The following NELL1 variants were observed in gnomAD, a reference collection of about 807,000 sequenced individuals.
NELL1 encodes the protein neural EGFL like 1, also known as protein kinase C-binding protein NELL1.
NELL1 carries 76 observed loss-of-function variants against 107.4 expected under a neutral mutation model. The ratio of observed to expected loss-of-function variants is 0.71; its 90% CI spans 0.59 to 0.86. The LOEUF is 0.86. NELL1 is among the 40% of genes least tolerant of loss of function. The pLI is 0.00. For synonymous variants in NELL1, 353 were observed against 341.2 expected (o/e 1.03, Z -0.38); for missense variants, 1,024 against 1,005.5 (o/e 1.02, Z -0.25).
Position 21,570,824 on chromosome 11 carries a change from T to C in NELL1, c.2041T>C (p.Phe681Leu). ...CDCQNPSADL[F>L]CCPECDTRVT... ...TTGCCAGAATCCAAGTGCTGACCTA[T>C]TCTGTTGCCCAGAATGTGACACCAG... The change falls in exon 18 of 20, where the codon TTC becomes CTC. Residue 681 changes from phenylalanine (F) to leucine (L), a missense_variant. Coordinates refer to ENST00000357134, the MANE Select transcript of NELL1 (RefSeq NM_006157.5). The C allele has an allele frequency of 6.2e-7, 1 of 1,612,038 alleles. No individual in the cohort carries two copies. Among genetic ancestry groups the C allele is most frequent in the Non-Finnish European group, 8.5e-7 (1 of 1,178,726 alleles).
intron 12 of NELL1, among the ~76,000 whole-genome samples, chr11:21,042,352 A>C (rs1853256081): frequency 6.6e-6 from 1 of 152,192 alleles, no homozygotes; most frequent in Admixed American, 6.6e-5. Flanking sequence ...TTTTCAGGGC[A>C]GTGGGCCATA....
intron 17 of NELL1, among the ~76,000 whole-genome samples, chr11:21,561,670 T>A (rs1295742054): frequency 6.6e-6 from 1 of 152,044 alleles, no homozygotes; most frequent in African/African-American, 2.4e-5. Flanking sequence ...ACGATGATAT[T>A]TATTGGTATA....
At chr11:21,574,827 TCCTAGCA>T in intron 19 of NELL1, 138 bp from the exon 20 acceptor site, 1 of 652,974 alleles carries the variant, frequency 1.5e-6, no homozygotes, top group Non-Finnish European at 2.7e-6. Context: ...CTAGTTTTTT[TCCTAGCA>T]TTTTTTTCTA....
chr11:20,785,010 G>A (rs943600104), intron 3 of NELL1, among the ~76,000 whole-genome samples: 2 of 152,192 alleles, frequency 1.3e-5, no homozygotes, highest in African/African-American at 4.8e-5. Context: ...TAGTGGTTGA[G>A]GAAGACCATA....
intron 15 of NELL1, among the ~76,000 whole-genome samples, chr11:21,444,061 C>A (rs1489035473): frequency 6.6e-6 from 1 of 152,034 alleles, no homozygotes; most frequent in Admixed American, 6.6e-5. Context: ...TGTATACAAA[C>A]TCCTCTCAAT....
intron 14 of NELL1, among the ~76,000 whole-genome samples, chr11:21,232,181 T>TATATATATATATATATATATATATATA (rs1375976378): frequency 5.3e-5 from 7 of 131,982 alleles, no homozygotes; most frequent in Middle Eastern, 3.6e-3. Context: ...TATATATAAA[T>TATATATATATATATATATATATATATA]TAGCTGGGCG....
chr11:21,513,667 C>A (rs1454437095), intron 15 of NELL1, among the ~76,000 whole-genome samples: 8 of 152,094 alleles, frequency 5.3e-5, no homozygotes, highest in African/African-American at 1.9e-4. Context: ...TAAAAGTTGT[C>A]AAGTATTGAG....
At chr11:21,350,958 A>G (rs1850797677) in intron 14 of NELL1, among the ~76,000 whole-genome samples, 1 of 152,104 alleles carries the variant, frequency 6.6e-6, no homozygotes, top group Admixed American at 6.6e-5. Context: ...CGGTGTAGTT[A>G]AGTTAAAGAT....
chr11:20,915,717 A>ATATATATATATATATATATTTT, intron 5 of NELL1, among the ~76,000 whole-genome samples: 25 of 58,210 alleles, frequency 4.3e-4, no homozygotes, highest in East Asian at 5.5e-4. Flanking sequence ...ATATATATAT[A>ATATATATATATATATATATTTT]TTTTTTTTTT....
chr11:20,945,401 A>C (rs963848708), intron 10 of NELL1, among the ~76,000 whole-genome samples: 4 of 152,218 alleles, frequency 2.6e-5, no homozygotes, highest in Admixed American at 6.5e-5. Flanking sequence ...TAGAACTTGC[A>C]TGTAACTTCC....
At chr11:20,798,912 G>A (rs909770025) in intron 3 of NELL1, among the ~76,000 whole-genome samples, 19 of 123,582 alleles carry the variant, frequency 1.5e-4, no homozygotes, top group East Asian at 2.8e-4. Context: ...CTTTAGCAGC[G>A]AAGGTGTGTA....
chr11:21,412,095 A>AT (rs1284721956), intron 15 of NELL1, among the ~76,000 whole-genome samples: 3 of 152,108 alleles, frequency 2.0e-5, no homozygotes, highest in Non-Finnish European at 4.4e-5. Flanking sequence ...AAAGTATCAA[A>AT]TGTTTAGGCA....
At chr11:21,358,719 T>TTTGTTG (rs34509053) in intron 14 of NELL1, among the ~76,000 whole-genome samples, 64 of 149,020 alleles carry the variant, frequency 4.3e-4, no homozygotes, top group Middle Eastern at 3.4e-3. Context: ...GCCCGGCCTT[T>TTTGTTG]TTGTTGTTGT....
At chr11:20,672,569 G>A (rs1853940279) in intron 1 of NELL1, among the ~76,000 whole-genome samples, 1 of 152,198 alleles carries the variant, frequency 6.6e-6, no homozygotes, top group Non-Finnish European at 1.5e-5. Context: ...CCATTCTCCA[G>A]TTCTTGTTAT....
intron 12 of NELL1, among the ~76,000 whole-genome samples, 165 bp downstream of exon 12, chr11:20,960,725 T>C (rs2134214870): frequency 6.6e-6 from 1 of 152,354 alleles, no homozygotes; most frequent in East Asian, 1.9e-4. Context: ...GGTTTATCCA[T>C]GCTGCTCAGT....
At chr11:21,264,302 T>C (rs1445826972) in intron 14 of NELL1, among the ~76,000 whole-genome samples, 1 of 151,868 alleles carries the variant, frequency 6.6e-6, no homozygotes, top group Admixed American at 6.6e-5. Context: ...TTTCCTTATC[T>C]ATGAAGTGAT....
intron 13 of NELL1, among the ~76,000 whole-genome samples, chr11:21,126,827 C>G (rs7104025): frequency 0.58 from 87,570 of 152,068 alleles, 25,649 homozygotes; most frequent in African/African-American, 0.65. Flanking sequence ...CATGAGTTAA[C>G]AAGGAGATGA....
At chr11:21,386,768 T>G (rs911360100) in intron 15 of NELL1, among the ~76,000 whole-genome samples, 6 of 151,950 alleles carry the variant, frequency 3.9e-5, no homozygotes, top group Admixed American at 3.9e-4. Flanking sequence ...ATTCTATGCC[T>G]TCGCCTTTTG....
intron 15 of NELL1, among the ~76,000 whole-genome samples, chr11:21,407,060 A>G (rs537917937): frequency 1.9e-4 from 29 of 152,020 alleles, no homozygotes; most frequent in Admixed American, 3.3e-4. Context: ...GTGAAGCTGT[A>G]GTTTAACTTA....
Sources: allele counts gnomAD v4.1 joint callset (sites outside exome capture counted in the v4.1 genomes callset), GRCh38; gene constraint gnomAD v4.1.1; transcripts MANE v1.5; gene names NCBI Gene and HGNC (gene_info 2026-07-23, HGNC 2026-07-21).